Variants in OR1L8 observed in about 807,000 individuals in gnomAD.
OR1L8 encodes the protein olfactory receptor 1L8.
For missense variants in OR1L8, 330 were observed against 377.4 expected (o/e 0.87, Z 1.04); for synonymous variants, 148 against 147.0 (o/e 1.01, Z -0.05).
chr9:122,561,613 G>T, the OR1L8 span, among the ~76,000 whole-genome samples: 65 of 152,106 alleles, frequency 4.3e-4, no homozygotes, highest in African/African-American at 1.4e-3. Flanking sequence ...GCTGTGGTTT[G>T]CTGGGGGTTC....
intron 4 of OR1L8, among the ~76,000 whole-genome samples, chr9:122,570,572 ATT>A (rs1402599893): frequency 1.3e-5 from 2 of 152,250 alleles, no homozygotes; most frequent in Non-Finnish European, 2.9e-5. Context: ...GAGATAAAGC[ATT>A]TGAAAGACTT....
the OR1L8 span, chr9:122,552,999 A>G: frequency 3.3e-6 from 2 of 603,922 alleles, no homozygotes; most frequent in Non-Finnish European, 5.9e-6. Context: ...TTGAATGGAT[A>G]TTATCTTAAC....
At chr9:122,551,999 AAT>A in the OR1L8 span, among the ~76,000 whole-genome samples, 3 of 150,416 alleles carry the variant, frequency 2.0e-5, no homozygotes, top group African/African-American at 4.9e-5. Context: ...ACTGATCCAT[AAT>A]CTGACAGGTG....
At chr9:122,558,311 C>CTTTTTTTTTTTTTTTTTTTTTTTTTTT in the OR1L8 span, among the ~76,000 whole-genome samples, 3 of 34,472 alleles carry the variant, frequency 8.7e-5, 1 homozygote, top group Non-Finnish European at 1.4e-4. Flanking sequence ...TTGGATTTTG[C>CTTTTTTTTTTTTTTTTTTTTTTTTTTT]TTTTTTTTTT....
the OR1L8 span, chr9:122,553,957 C>T: frequency 9.9e-6 from 16 of 1,613,552 alleles, no homozygotes; most frequent in East Asian, 2.2e-5. Context: ...TCTCATCTCA[C>T]GGTGGTTCTG....
the OR1L8 span, chr9:122,553,464 C>A: frequency 6.2e-7 from 1 of 1,614,140 alleles, no homozygotes; most frequent in South Asian, 1.1e-5. Context: ...CCCCAAAATG[C>A]TGGCCAACAT....
At chr9:122,551,887 T>C in the OR1L8 span, among the ~76,000 whole-genome samples, 1 of 152,252 alleles carries the variant, frequency 6.6e-6, no homozygotes, top group South Asian at 2.1e-4. Context: ...CTGGACTCAA[T>C]AGACCCCGAC....
chr9:122,560,332 A>G, the OR1L8 span, among the ~76,000 whole-genome samples: 9 of 152,264 alleles, frequency 5.9e-5, no homozygotes, highest in African/African-American at 2.2e-4. Flanking sequence ...GTTTACATTT[A>G]AGGTTAATAT....
chr9:122,581,653 A>G (rs1829739770), intron 1 of OR1L8, among the ~76,000 whole-genome samples: 1 of 152,022 alleles, frequency 6.6e-6, no homozygotes, highest in Non-Finnish European at 1.5e-5. Context: ...CTTCTTTAAA[A>G]ATAAAGACAG....
chr9:122,575,362 C>A (rs1224129750), intron 3 of OR1L8, among the ~76,000 whole-genome samples: 3 of 152,034 alleles, frequency 2.0e-5, no homozygotes, highest in Non-Finnish European at 4.4e-5. Context: ...GAGTCAATTT[C>A]TTTTATAGAT....
downstream of OR1L8, among the ~76,000 whole-genome samples, chr9:122,562,235 C>T (rs1036338228): frequency 1.3e-5 from 2 of 152,226 alleles, no homozygotes; most frequent in Admixed American, 1.3e-4. Context: ...GCCCTTCCCC[C>T]GCCATGGGAG....
chr9:122,580,564 G>A (rs979021714), intron 1 of OR1L8, among the ~76,000 whole-genome samples: 4 of 152,136 alleles, frequency 2.6e-5, no homozygotes, highest in African/African-American at 7.2e-5. Flanking sequence ...GCTGAAGATC[G>A]TAACAATGCC....
chr9:122,553,765 G>A, the OR1L8 span: 6 of 1,613,868 alleles, frequency 3.7e-6, no homozygotes, highest in Non-Finnish European at 5.1e-6. Context: ...TGTGATCCTA[G>A]TGCTCTCCTG....
chr9:122,568,168 A>C lies in OR1L8; in HGVS notation c.310T>G (p.Phe104Val), dbSNP rs2118712213. 1.2e-6 allele frequency: 2 copies of C among 1,614,234 alleles called. No homozygotes were observed. The highest frequency in any genetic ancestry group is 4.5e-5 in the East Asian group (2 of 44,888). Residue 104 changes from phenylalanine to valine, a missense_variant, in exon 5 of 5, where the codon TTT becomes GTT. By Grantham distance (50) the Phe-to-Val change is conservative. Coordinates refer to ENST00000641027, the MANE Select transcript of OR1L8 (RefSeq NM_001004454.2). Reference protein sequence around the residue: ...SYAGCLTQMYFLYALGNSDSC... With the variant: ...SYAGCLTQMYVLYALGNSDSC... Reference sequence around the variant, plus strand: ...TCACTGTTGCCCAAGGCATAGAGAAAATACATCTGTGTCAGACACCCAGCA... The same window carrying C: ...TCACTGTTGCCCAAGGCATAGAGAACATACATCTGTGTCAGACACCCAGCA...
the OR1L8 span, chr9:122,554,200 C>T: frequency 4.7e-6 from 7 of 1,487,904 alleles, no homozygotes; most frequent in Non-Finnish European, 3.7e-6. Context: ...CTTGATCAAC[C>T]CCTCCCTGTC....
At chr9:122,557,507 T>A in the OR1L8 span, among the ~76,000 whole-genome samples, 2 of 152,110 alleles carry the variant, frequency 1.3e-5, no homozygotes, top group African/African-American at 4.8e-5. Flanking sequence ...ATCAACTAAA[T>A]TAATTGATTT....
At position 122,579,907 on chromosome 9, in the gene OR1L8, G is replaced by A. The variant is rs114076419; in HGVS notation, c.-599-1462C>T. Among the ~76,000 whole-genome samples the A allele has an allele frequency of 4.5e-3, 691 of 152,206 alleles. 7 individuals carry two copies. The highest frequency in any genetic ancestry group is 0.016 in the African/African-American group (650 of 41,528). ...TGAGTCTCTAGGAATAAACTTAAGC[G>A]CAATAATAATCTGACCCACCTAAAG... On this transcript the variant is annotated intron_variant, in intron 1 of 4. Transcript: ENST00000641027.
the OR1L8 span, among the ~76,000 whole-genome samples, chr9:122,556,024 C>A: frequency 6.6e-6 from 1 of 152,210 alleles, no homozygotes; most frequent in Non-Finnish European, 1.5e-5. Context: ...TGTGCTTCAT[C>A]TAGTTATTCC....
At chr9:122,562,133 G>A (rs1459517016), downstream of OR1L8, among the ~76,000 whole-genome samples, 4 of 152,228 alleles carry the variant, frequency 2.6e-5, no homozygotes, top group Admixed American at 2.0e-4. Flanking sequence ...TGCCACAGCC[G>A]GTGTGTTTGG....
Sources: allele counts gnomAD v4.1 joint callset (sites outside exome capture counted in the v4.1 genomes callset), GRCh38; gene constraint gnomAD v4.1.1; transcripts MANE v1.5; gene names NCBI Gene and HGNC (gene_info 2026-07-23, HGNC 2026-07-21).